The following ECM2 variants were observed in gnomAD, a reference collection of about 807,000 sequenced individuals.
ECM2 encodes extracellular matrix protein 2, also known as extracellular matrix protein 2, female organ and adipocyte specific.
Under a neutral mutation model 67.5 loss-of-function variants are expected in ECM2, and 57 were observed. That is an observed-to-expected ratio of 0.84 (90% CI 0.68 to 1.05). ECM2 has a LOEUF of 1.05. Among genes scored for constraint, ECM2 ranks in the 50% least tolerant of loss-of-function variants. The probability of loss-of-function intolerance (pLI) is 0.00; values close to 1 mark genes in which losing one functional copy is unlikely to be tolerated. For synonymous variants in ECM2, 258 were observed against 294.5 expected (o/e 0.88, Z 1.27); for missense variants, 741 against 822.8 (o/e 0.90, Z 1.22).
At chr9:92,516,067 T>C (rs1223386100) in intron 3 of ECM2, among the ~76,000 whole-genome samples, 1 of 142,518 alleles carries the variant, frequency 7.0e-6, no homozygotes, top group Non-Finnish European at 1.6e-5. Context: ...GTGCATACTT[T>C]TTTTTCCCCC....
In ECM2 at chr9:92,522,612, A is replaced by G. The variant is rs1848147281; in HGVS notation, c.255T>C (p.Ser85=). The G allele has an allele frequency of 6.2e-7, 1 of 1,613,622 alleles. No homozygotes were observed. The highest frequency in any genetic ancestry group is 2.2e-5 in the East Asian group (1 of 44,826). Residue 85 remains serine, a synonymous_variant, in exon 2 of 10, where the codon AGT becomes AGC. Coordinates refer to ENST00000344604, the MANE Select transcript of ECM2 (RefSeq NM_001393.4). ...TATAACTTGATTCTACTCCAGGAAA[A>G]CTTGAAAAGGATTCAAACTTTTCCT... ...SMEEKFESFS[S]FPGVESSYNV...
chr9:92,501,471 G>C (rs1320026068), intron 8 of ECM2, among the ~76,000 whole-genome samples: 1 of 152,146 alleles, frequency 6.6e-6, no homozygotes, highest in Non-Finnish European at 1.5e-5. Context: ...GTTTGTTTTG[G>C]CTTGTTTTGG....
intron 6 of ECM2, among the ~76,000 whole-genome samples, chr9:92,507,617 G>C (rs1847084193): frequency 6.6e-6 from 1 of 152,192 alleles, no homozygotes; most frequent in Non-Finnish European, 1.5e-5. Flanking sequence ...GACAGGCTGT[G>C]GACATGGCAG....
At chr9:92,501,482 T>C (rs1211411249) in intron 8 of ECM2, among the ~76,000 whole-genome samples, 1 of 152,198 alleles carries the variant, frequency 6.6e-6, no homozygotes, top group Non-Finnish European at 1.5e-5. Context: ...CTTGTTTTGG[T>C]TCCCCTTCCC....
chr9:92,508,586 G>T (rs1847150567), intron 6 of ECM2, among the ~76,000 whole-genome samples: 1 of 152,194 alleles, frequency 6.6e-6, no homozygotes. Context: ...GACACCCTTT[G>T]GTCTTCAGCA....
Position 92,509,301 on chromosome 9 carries a change from A to G in ECM2, c.1306+598T>C, listed in dbSNP as rs542279086. 5.1e-4 allele frequency among the ~76,000 whole-genome samples: 77 copies of G among 152,326 alleles called. 1 individual carries two copies. The Middle Eastern group carries it at 0.014, about 27-fold the overall frequency. ...CAGAAAATTGCCAAAGTCAAAGTTA[A>G]TACCATGAAGAGCATGTGCTTTCTT... On this transcript the variant is annotated intron_variant, in intron 6 of 9. Transcript: ENST00000344604.
At chr9:92,512,312 G>C (rs1010143442) in intron 4 of ECM2, among the ~76,000 whole-genome samples, 186 bp from the exon 5 acceptor site, 8 of 152,192 alleles carry the variant, frequency 5.3e-5, no homozygotes, top group Non-Finnish European at 1.2e-4. Context: ...GCTGGAAATA[G>C]ATGGTTTAAC....
the ECM2 span, among the ~76,000 whole-genome samples, chr9:92,545,515 C>G: frequency 2.1e-5 from 3 of 144,574 alleles, no homozygotes; most frequent in African/African-American, 8.1e-5. Context: ...TGCAGCCCGC[C>G]AAGACTGAGC....
chr9:92,549,693 G>T, the ECM2 span, among the ~76,000 whole-genome samples: 3 of 151,506 alleles, frequency 2.0e-5, no homozygotes, highest in African/African-American at 7.3e-5. Context: ...ATTCTATTGA[G>T]AATTTTGCCA....
At chr9:92,531,554 A>G (rs568174110) in intron 1 of ECM2, among the ~76,000 whole-genome samples, 59 of 152,086 alleles carry the variant, frequency 3.9e-4, no homozygotes, top group Non-Finnish European at 7.4e-4. Flanking sequence ...TTATGGGGAG[A>G]TGCCCTGTAT....
intron 5 of ECM2, among the ~76,000 whole-genome samples, chr9:92,511,395 G>A (rs905543683): frequency 1.3e-4 from 19 of 151,214 alleles, no homozygotes; most frequent in African/African-American, 4.6e-4. Context: ...AAAGTGCCGG[G>A]ATTACAGGCA....
chr9:92,496,574 T>G, intron 9 of ECM2, 91 bp from the exon 10 acceptor site: 1 of 1,509,742 alleles, frequency 6.6e-7, no homozygotes, highest in Non-Finnish European at 8.8e-7. Context: ...AAAATTTTGT[T>G]CTTAAAATAA....
At chr9:92,501,279 A>G (rs1453652564) in intron 8 of ECM2, among the ~76,000 whole-genome samples, 1 of 152,194 alleles carries the variant, frequency 6.6e-6, no homozygotes, top group Admixed American at 6.5e-5. Flanking sequence ...ATGTGAGTCC[A>G]TGCGAGAGGA....
intron 1 of ECM2, among the ~76,000 whole-genome samples, chr9:92,525,540 CA>C (rs1222412927): frequency 6.6e-6 from 1 of 152,118 alleles, no homozygotes; most frequent in Non-Finnish European, 1.5e-5. Context: ...ACGCATTACT[CA>C]TAATGTTTGT....
At chr9:92,546,331 G>A in the ECM2 span, among the ~76,000 whole-genome samples, 1 of 152,132 alleles carries the variant, frequency 6.6e-6, no homozygotes, top group Non-Finnish European at 1.5e-5. Flanking sequence ...ACCCACCAGA[G>A]GTCCCCTTCC....
At chr9:92,516,867 T>C (rs1009772441) in intron 3 of ECM2, 6 of 152,238 alleles carry the variant, frequency 3.9e-5, no homozygotes, top group African/African-American at 1.4e-4. Flanking sequence ...AGGAGACTTT[T>C]GTAGACACCT....
At chr9:92,540,435 C>CAAAAA (rs35325216), upstream of ECM2, among the ~76,000 whole-genome samples, 1 of 117,698 alleles carries the variant, frequency 8.5e-6, no homozygotes, top group Non-Finnish European at 1.8e-5. Flanking sequence ...GAGACTGTCT[C>CAAAAA]AAAAAAAAAA....
At chr9:92,550,591 G>C in the ECM2 span, among the ~76,000 whole-genome samples, 61 of 151,698 alleles carry the variant, frequency 4.0e-4, no homozygotes, top group African/African-American at 1.5e-3. Context: ...TCCTGCTGTA[G>C]TAATATTCAG....
rs1370722904 is a variant in ECM2 at position 92,505,778 on chromosome 9, C to T, written c.1307-88G>A. On this transcript the variant is annotated intron_variant, in intron 6 of 9. Coordinates refer to ENST00000344604, the MANE Select transcript of ECM2 (RefSeq NM_001393.4). ...CTTTTGAAATGTCATGTGAAATGGC[C>T]GGTTTATTTGGAGGGCAAATACAGT... The T allele has an allele frequency of 1.3e-5, 14 of 1,111,820 alleles. No homozygotes were observed. The East Asian group carries it at 1.6e-4, about 12-fold the overall frequency. The allele number at this position is 1,111,820 out of a possible 1,614,324, so 68.9% of individuals were successfully genotyped here.
Sources: allele counts gnomAD v4.1 joint callset (sites outside exome capture counted in the v4.1 genomes callset), GRCh38; gene constraint gnomAD v4.1.1; transcripts MANE v1.5; gene names NCBI Gene and HGNC (gene_info 2026-07-23, HGNC 2026-07-21).